DSCAM: variants seen among roughly 807,000 people sequenced by gnomAD.
DSCAM encodes the protein cell adhesion molecule DSCAM.
A neutral mutation model predicts 217.7 loss-of-function variants in DSCAM; 47 were observed. That is an observed-to-expected ratio of 0.22 (90% CI 0.17 to 0.28). The LOEUF is 0.28. Ranked by LOEUF, DSCAM falls within the 10% of genes least tolerant of loss-of-function variation. The pLI is 1.00. For synonymous variants in DSCAM, 1,056 were observed against 1,015.3 expected, an observed-to-expected ratio of 1.04 and a Z score of -0.76; for missense variants, 2,080 against 2,618.3, an observed-to-expected ratio of 0.79 and a Z score of 4.49.
At chr21:40,781,012 A>ATTT (rs35913475) in intron 1 of DSCAM, among the ~76,000 whole-genome samples, 1 of 148,898 alleles carries the variant, frequency 6.7e-6, no homozygotes. Context: ...TAATAGTAAC[A>ATTT]TTTTTTTTTT....
intron 11 of DSCAM, among the ~76,000 whole-genome samples, chr21:40,242,148 AGTTT>A (rs1332321582): frequency 1.3e-5 from 2 of 151,604 alleles, no homozygotes; most frequent in African/African-American, 4.8e-5. Context: ...TGAACCTAAA[AGTTT>A]TTTTTTTTTT....
intron 3 of DSCAM, among the ~76,000 whole-genome samples, chr21:40,378,987 A>G (rs2074994194): frequency 6.6e-6 from 1 of 152,218 alleles, no homozygotes; most frequent in Non-Finnish European, 1.5e-5. Context: ...TACATAAAAG[A>G]CAGTAAGGTA....
intron 2 of DSCAM, among the ~76,000 whole-genome samples, chr21:40,707,101 C>A (rs1317114041): frequency 1.3e-5 from 2 of 152,212 alleles, no homozygotes. Flanking sequence ...GTAAGCATTT[C>A]ATTCCTTTAT....
rs1451608585 is a variant in DSCAM, at chr21:40,347,879, G to A, written c.1001C>T (p.Ser334Phe). 1.4e-5 allele frequency: 22 copies of A among 1,613,920 alleles called. No individual in the cohort carries two copies. The highest frequency in any genetic ancestry group is 1.8e-5 in the Non-Finnish European group (21 of 1,179,968). The change falls in exon 6 of 33, where the codon TCC becomes TTC. Residue 334 changes from serine to phenylalanine, a missense_variant. Ser to Phe is a radical substitution (Grantham distance 155). Coordinates refer to ENST00000400454, the MANE Select transcript of DSCAM (RefSeq NM_001389.5). ...KSSVGSQVSL[S>F]CSVTGTEDQE... ...GTCCTCAGTTCCTGTCACGCTGCAG[G>A]ACAAGGAAACTTGGCTACCCACGCT...
chr21:40,154,188 C>T (rs1270962163), intron 16 of DSCAM, among the ~76,000 whole-genome samples: 2 of 151,268 alleles, frequency 1.3e-5, no homozygotes, highest in African/African-American at 4.9e-5. Context: ...CTTCTTCCTT[C>T]CTTCCTTCCT....
At chr21:40,670,182 G>C (rs1353383389) in intron 3 of DSCAM, among the ~76,000 whole-genome samples, 2 of 152,210 alleles carry the variant, frequency 1.3e-5, no homozygotes, top group Admixed American at 6.5e-5. Flanking sequence ...TAAAGTACAT[G>C]TAACATAAAA....
chr21:40,228,163 G>A (rs1471354732), intron 11 of DSCAM, among the ~76,000 whole-genome samples: 1 of 152,142 alleles, frequency 6.6e-6, no homozygotes, highest in African/African-American at 2.4e-5. Flanking sequence ...AAGGGTAAAT[G>A]CTATCAACAG....
chr21:40,591,861 G>C (rs1213812850), intron 3 of DSCAM, among the ~76,000 whole-genome samples: 8 of 152,106 alleles, frequency 5.3e-5, no homozygotes, highest in Non-Finnish European at 1.5e-5. Context: ...TTAGCTTGTT[G>C]GACCCATTTT....
chr21:40,013,449 T>C (rs1490488287), intron 32 of DSCAM, 63 bp from the exon 33 acceptor site: 14 of 1,258,454 alleles, frequency 1.1e-5, no homozygotes, highest in East Asian at 4.9e-5. Flanking sequence ...CAGAATGTCC[T>C]GTGTGCACAC....
At chr21:40,754,597 G>A (rs148537589) in intron 1 of DSCAM, among the ~76,000 whole-genome samples, 45 of 152,232 alleles carry the variant, frequency 3.0e-4, no homozygotes, top group East Asian at 1.2e-3. Context: ...CACCACCTCC[G>A]GCTGTCACTG....
intron 3 of DSCAM, among the ~76,000 whole-genome samples, chr21:40,371,670 T>TA (rs1477355400): frequency 6.6e-6 from 1 of 152,200 alleles, no homozygotes; most frequent in Non-Finnish European, 1.5e-5. Flanking sequence ...TTTACCCACT[T>TA]ACGTTAAATA....
intron 3 of DSCAM, among the ~76,000 whole-genome samples, chr21:40,610,744 G>A (rs1344344188): frequency 6.6e-6 from 1 of 152,190 alleles, no homozygotes; most frequent in African/African-American, 2.4e-5. Context: ...TTTCATGGGA[G>A]GTGAATATCC....
intron 8 of DSCAM, among the ~76,000 whole-genome samples, chr21:40,318,814 C>G (rs1468446560): frequency 1.3e-5 from 2 of 152,234 alleles, no homozygotes; most frequent in African/African-American, 4.8e-5. Context: ...CCATTAGTTT[C>G]CCTTCTTAGC....
chr21:40,113,280 T>A (rs978305819), intron 20 of DSCAM, among the ~76,000 whole-genome samples: 1 of 152,110 alleles, frequency 6.6e-6, no homozygotes, highest in Admixed American at 6.5e-5. Flanking sequence ...ATAAACGTAA[T>A]CCAGCATATA....
intron 16 of DSCAM, among the ~76,000 whole-genome samples, chr21:40,148,794 C>A (rs1194492429): frequency 6.6e-6 from 1 of 152,082 alleles, no homozygotes; most frequent in Non-Finnish European, 1.5e-5. Context: ...CCACCACCAC[C>A]AGCAATAGCA....
At chr21:40,364,384 T>C (rs1353618278) in intron 4 of DSCAM, among the ~76,000 whole-genome samples, 1 of 152,122 alleles carries the variant, frequency 6.6e-6, no homozygotes, top group East Asian at 1.9e-4. Context: ...TGTAGGGACA[T>C]AGATGAAGCT....
chr21:40,301,853 C>G (rs1025059546), intron 9 of DSCAM, among the ~76,000 whole-genome samples: 1 of 152,154 alleles, frequency 6.6e-6, no homozygotes, highest in Non-Finnish European at 1.5e-5. Context: ...GGGTGACCCC[C>G]AAAGCCTGAG....
chr21:40,109,619 C>T (rs972641665), intron 20 of DSCAM, among the ~76,000 whole-genome samples: 1 of 152,264 alleles, frequency 6.6e-6, no homozygotes, highest in Non-Finnish European at 1.5e-5. Flanking sequence ...CAGGGCGAGG[C>T]ATCGCCTCAC....
intron 3 of DSCAM, among the ~76,000 whole-genome samples, chr21:40,622,887 C>A (rs2146303136): frequency 1.4e-5 from 2 of 146,010 alleles, no homozygotes; most frequent in Non-Finnish European, 1.5e-5. Context: ...AAAAAAAAAT[C>A]AGCATTAAAG....
Sources: allele counts gnomAD v4.1 joint callset (sites outside exome capture counted in the v4.1 genomes callset), GRCh38; gene constraint gnomAD v4.1.1; transcripts MANE v1.5; gene names NCBI Gene and HGNC (gene_info 2026-07-23, HGNC 2026-07-21).